Variants in SGO2 observed in about 807,000 individuals in gnomAD.
The protein encoded by SGO2 is shugoshin 2.
Under a neutral mutation model 99.5 loss-of-function variants are expected in SGO2, and 68 were observed. The observed-to-expected ratio is 0.68, with a 90% CI of 0.56 to 0.84. SGO2 has a LOEUF of 0.84. Ranked by LOEUF, SGO2 falls within the 40% of genes least tolerant of loss-of-function variation. The pLI is 0.00. For missense variants in SGO2, 1,350 were observed against 1,436.7 expected, an observed-to-expected ratio of 0.94 and a Z score of 0.97; for synonymous variants, 457 against 487.1, an observed-to-expected ratio of 0.94 and a Z score of 0.81.
intron 1 of SGO2, among the ~76,000 whole-genome samples, chr2:200,530,779 A>G (rs946018125): frequency 1.3e-5 from 2 of 152,244 alleles, no homozygotes; most frequent in African/African-American, 4.8e-5. Context: ...ATCAAGTTAG[A>G]TGAAGACTGA....
chr2:200,551,925 T>C (rs1194653894), intron 5 of SGO2, among the ~76,000 whole-genome samples: 1 of 152,198 alleles, frequency 6.6e-6, no homozygotes, highest in East Asian at 1.9e-4. Flanking sequence ...ATCTCCATTT[T>C]ATTTATTTTT....
intron 5 of SGO2, among the ~76,000 whole-genome samples, chr2:200,557,827 T>G (rs1253477059): frequency 6.6e-6 from 1 of 151,784 alleles, no homozygotes; most frequent in African/African-American, 2.4e-5. Flanking sequence ...TTGTCCAGGT[T>G]TTGGCTTTTA....
chr2:200,560,088 T>G (rs2032882562), intron 5 of SGO2, among the ~76,000 whole-genome samples: 1 of 152,216 alleles, frequency 6.6e-6, no homozygotes, highest in Admixed American at 6.5e-5. Context: ...TCCTTCCTGC[T>G]TCTGTTGTCT....
intron 2 of SGO2, among the ~76,000 whole-genome samples, chr2:200,534,260 A>G (rs2031579983): frequency 6.6e-6 from 1 of 152,230 alleles, no homozygotes; most frequent in South Asian, 2.1e-4. Context: ...AAGGGAACAC[A>G]CTATATTTAT....
chr2:200,580,402 C>T (rs759040967), intron 8 of SGO2: 66 of 308,778 alleles, frequency 2.1e-4, no homozygotes, highest in Non-Finnish European at 3.6e-4. Flanking sequence ...CTAATTGGAT[C>T]TATTTTTCTG....
At position 200,571,377 on chromosome 2, in the gene SGO2, G is replaced by A. The variant is rs1485121528; in HGVS notation, c.1031G>A (p.Cys344Tyr). 1.2e-6 allele frequency: 2 copies of A among 1,611,400 alleles called. No individual in the cohort carries two copies. The highest frequency in any genetic ancestry group is 2.2e-5 in the South Asian group (2 of 90,910). Residue 344 changes from cysteine (C) to tyrosine (Y), a missense_variant, in exon 7 of 9, where the codon TGC (cysteine) becomes TAC (tyrosine). Coordinates refer to ENST00000357799, the MANE Select transcript of SGO2 (RefSeq NM_152524.6). ...TCTGCCAGAGAACCTAATGCAGAGT[G>A]CATGAATCAAATTGAGGATAATGAT... is the stretch of plus-strand genomic sequence containing the variant. ...SESAREPNAECMNQIEDNDDF... is the reference protein window; with the variant it reads ...SESAREPNAEYMNQIEDNDDF...
intron 1 of SGO2, among the ~76,000 whole-genome samples, chr2:200,530,671 T>A (rs72926047): frequency 0.11 from 16,764 of 151,998 alleles, 1,104 homozygotes; most frequent in Non-Finnish European, 0.15. Flanking sequence ...GGTAGGTAGG[T>A]AGGTAGGAAA....
intron 4 of SGO2, among the ~76,000 whole-genome samples, chr2:200,542,058 A>G (rs905956280): frequency 3.9e-5 from 6 of 152,074 alleles, no homozygotes; most frequent in Middle Eastern, 3.4e-3. Flanking sequence ...CCTTGTTTCT[A>G]TTACAGCTTA....
chr2:200,565,305 T>A (rs926393429), intron 5 of SGO2, among the ~76,000 whole-genome samples: 8 of 152,310 alleles, frequency 5.3e-5, no homozygotes, highest in African/African-American at 1.9e-4. Flanking sequence ...GGATTTTATT[T>A]CTCCTTCACT....
At chr2:200,579,401 G>A (rs1396806312) in intron 8 of SGO2, among the ~76,000 whole-genome samples, 5 of 152,166 alleles carry the variant, frequency 3.3e-5, no homozygotes, top group Admixed American at 3.3e-4. Flanking sequence ...TGTTAAAATA[G>A]TAGCAGGAAT....
At chr2:200,553,469 C>T (rs1011568473) in intron 5 of SGO2, among the ~76,000 whole-genome samples, 8 of 152,134 alleles carry the variant, frequency 5.3e-5, no homozygotes, top group African/African-American at 1.7e-4. Context: ...CAGGAATAAG[C>T]AGAGTCAGTC....
chr2:200,557,538 G>T (rs555095762), intron 5 of SGO2, among the ~76,000 whole-genome samples: 12 of 152,234 alleles, frequency 7.9e-5, no homozygotes, highest in African/African-American at 2.4e-4. Context: ...ACACAAGAAA[G>T]AATTCAAGGC....
intron 7 of SGO2, among the ~76,000 whole-genome samples, chr2:200,574,960 G>C (rs2033599857): frequency 1.3e-5 from 2 of 151,992 alleles, no homozygotes; most frequent in Non-Finnish European, 2.9e-5. Context: ...CAAAGGTTTA[G>C]AGTTGCAGGA....
chr2:200,551,320 G>A (rs2032475825), intron 5 of SGO2, among the ~76,000 whole-genome samples: 1 of 152,082 alleles, frequency 6.6e-6, no homozygotes, highest in African/African-American at 2.4e-5. Context: ...CCTGTTATTT[G>A]CAGCAACATG....
chr2:200,561,738 A>G (rs1479141198), intron 5 of SGO2, among the ~76,000 whole-genome samples: 2 of 152,062 alleles, frequency 1.3e-5, no homozygotes, highest in African/African-American at 4.8e-5. Flanking sequence ...CTGACTTTTT[A>G]ATGATCGCCA....
intron 5 of SGO2, among the ~76,000 whole-genome samples, chr2:200,560,758 G>T (rs985146738): frequency 6.6e-6 from 1 of 152,108 alleles, no homozygotes; most frequent in Non-Finnish European, 1.5e-5. Context: ...TTTGACAAGG[G>T]TTATGCTGGC....
At position 200,533,069 on chromosome 2, in the gene SGO2, A is replaced by T. The variant is rs1459694497; in HGVS notation, c.94A>T (p.Asn32Tyr). 6.3e-7 allele frequency: 1 copy of T among 1,594,004 alleles called. No homozygotes were observed. The highest frequency in any genetic ancestry group is 1.8e-5 in the Admixed American group (1 of 54,490). ...DKRISKTTKLNVSLASKIKTK... is the reference protein window; with the variant it reads ...DKRISKTTKLYVSLASKIKTK... ...AAGAATTTCAAAGACTACTAAGTTG[A>T]ATGTTTCTCTTGCTTCAAAAATAAA... Residue 32 changes from asparagine (N) to tyrosine (Y), a missense_variant, in exon 2 of 9, where the codon AAT (asparagine) becomes TAT (tyrosine). Coordinates refer to ENST00000357799, the MANE Select transcript of SGO2 (RefSeq NM_152524.6).
chr2:200,571,361 G>A lies in SGO2; in HGVS notation c.1015G>A (p.Glu339Lys). The A allele has an allele frequency of 6.2e-7, 1 of 1,612,672 alleles. No individual in the cohort carries two copies. Among genetic ancestry groups the A allele is most frequent in the Non-Finnish European group, 8.5e-7 (1 of 1,178,990 alleles). The change falls in exon 7 of 9, where the codon GAA (glutamate) becomes AAA (lysine). Residue 339 changes from glutamate to lysine, a missense_variant. Coordinates refer to ENST00000357799, the MANE Select transcript of SGO2 (RefSeq NM_152524.6). ...LPGLSSESAR[E>K]PNAECMNQIE... The stretch of plus-strand genomic sequence containing the variant: ...TGGCTTATCTTCTGAGTCTGCCAGA[G>A]AACCTAATGCAGAGTGCATGAATCA...
intron 8 of SGO2, among the ~76,000 whole-genome samples, chr2:200,576,325 C>T (rs2033662298): frequency 6.6e-6 from 1 of 151,772 alleles, no homozygotes; most frequent in Non-Finnish European, 1.5e-5. Flanking sequence ...CCTGTAATCC[C>T]AGCACTGTGG....
Sources: gnomAD v4.1 joint callset for allele counts (sites outside exome capture counted in the v4.1 genomes callset) on GRCh38, gnomAD v4.1.1 for gene constraint, MANE v1.5 for transcripts, NCBI Gene and HGNC (gene_info 2026-07-23, HGNC 2026-07-21) for gene names.